The following DOCK8 variants were observed in gnomAD, a reference collection of about 807,000 sequenced individuals.
The protein encoded by DOCK8 is dedicator of cytokinesis 8, also known as dedicator of cytokinesis protein 8.
DOCK8 carries 141 observed loss-of-function variants against 245.6 expected under a neutral mutation model. The observed-to-expected ratio is 0.57, with a 90% confidence interval of 0.50 to 0.66. The LOEUF (loss-of-function observed/expected upper bound fraction) is 0.66, where lower values mean the gene tolerates loss of function less well. DOCK8 is among the 30% of genes least tolerant of loss of function. The pLI is 0.00. For synonymous variants in DOCK8, 1,168 were observed against 970.2 expected (o/e 1.20, Z -3.79); for missense variants, 2,965 against 2,603.4 (o/e 1.14, Z -3.02).
At chr9:428,165 G>T (rs1289191715) in intron 34 of DOCK8, among the ~76,000 whole-genome samples, 197 bp from the exon 35 acceptor site, 1 of 152,202 alleles carries the variant, frequency 6.6e-6, no homozygotes, top group African/African-American at 2.4e-5. Flanking sequence ...CAAACTCATT[G>T]GAAGCATTGA....
intron 36 of DOCK8, 119 bp downstream of exon 36, chr9:429,973 G>C: frequency 7.9e-7 from 1 of 1,258,928 alleles, no homozygotes; most frequent in South Asian, 1.3e-5. Flanking sequence ...TGTCCTGTGA[G>C]AAAGAAACAA....
chr9:440,728 C>T (rs558008452), intron 40 of DOCK8, among the ~76,000 whole-genome samples: 3 of 151,966 alleles, frequency 2.0e-5, no homozygotes, highest in South Asian at 2.1e-4. Flanking sequence ...TTTTTCTTTT[C>T]GTTTTGTTTT....
chr9:443,459 T>C lies in DOCK8; in HGVS notation c.5523T>C (p.Phe1841=). The C allele has an allele frequency of 1.2e-6, 2 of 1,614,130 alleles. No individual in the cohort carries two copies. The highest frequency in any genetic ancestry group is 2.2e-5 in the South Asian group (2 of 91,080). ...AFYGQCFGAE[F]VEVIKDSTPV... is the part of the protein sequence containing the mutation. ...ATGGTCAATGTTTTGGTGCAGAATT[T>C]GTGGAAGTGATTAAAGACTCCACTC... Residue 1841 remains phenylalanine, a synonymous_variant, in exon 43 of 48, where the codon TTT becomes TTC. Transcript: ENST00000432829.
chr9:366,998 C>A (rs926484558), intron 14 of DOCK8, among the ~76,000 whole-genome samples: 4 of 152,118 alleles, frequency 2.6e-5, no homozygotes, highest in Non-Finnish European at 5.9e-5. Flanking sequence ...GGTTGAATTC[C>A]CCGCTCTGCC....
At chr9:323,163 A>G (rs2050597065) in intron 7 of DOCK8, among the ~76,000 whole-genome samples, 1 of 151,454 alleles carries the variant, frequency 6.6e-6, no homozygotes. Flanking sequence ...AATCATAGAA[A>G]TCCTCAACAC....
intron 46 of DOCK8, 130 bp downstream of exon 46, chr9:452,247 G>A: frequency 4.6e-6 from 3 of 657,012 alleles, no homozygotes; most frequent in Non-Finnish European, 5.5e-6. Flanking sequence ...CAGACCTGCT[G>A]AATTGGAATC....
At chr9:243,829 C>T (rs1204111500) in intron 1 of DOCK8, among the ~76,000 whole-genome samples, 2 of 152,092 alleles carry the variant, frequency 1.3e-5, no homozygotes, top group Non-Finnish European at 2.9e-5. Flanking sequence ...ACAACTCCAT[C>T]ATCGGCATCC....
intron 14 of DOCK8, among the ~76,000 whole-genome samples, chr9:365,335 G>A (rs939399722): frequency 1.3e-5 from 2 of 152,148 alleles, no homozygotes; most frequent in Non-Finnish European, 2.9e-5. Flanking sequence ...TGACTTGTTA[G>A]CCATGTGGAG....
rs1450437941 is a variant in DOCK8 at position 463,456 on chromosome 9, T to TC, written c.6069-60dup. On this transcript the variant is annotated intron_variant, in intron 46 of 47. Transcript: ENST00000432829. ...GAAAAATCGTAAGTAATTTCATTGTTCTCAGATTTCTAAGCACTTCAAAGT... is the reference window on the plus strand; with the variant it reads ...GAAAAATCGTAAGTAATTTCATTGTTCCTCAGATTTCTAAGCACTTCAAAGT... 4 of 1,589,214 alleles carry TC rather than the reference T, an allele frequency of 2.5e-6. No homozygotes were observed. In the East Asian group the frequency reaches 8.9e-5, roughly 35 times the overall value.
At chr9:459,150 G>A (rs912703742) in intron 46 of DOCK8, among the ~76,000 whole-genome samples, 1 of 152,212 alleles carries the variant, frequency 6.6e-6, no homozygotes, top group African/African-American at 2.4e-5. Context: ...GACCTATTGA[G>A]AATGTTACAG....
rs751022932 is a variant in DOCK8, at chr9:400,947, T to TCAC, written c.3234+1705_3234+1707dup. On this transcript the variant is annotated intron_variant, in intron 26 of 47. Coordinates refer to ENST00000432829, the MANE Select transcript of DOCK8 (RefSeq NM_203447.4). ...ATCACCACAACATCCACCACCACCATCACCACCACCACCACCACCTCCTCC... is the reference window on the plus strand; with the variant it reads ...ATCACCACAACATCCACCACCACCATCACCACCACCACCACCACCACCTCCTCC... 5.6e-4 allele frequency among the ~76,000 whole-genome samples: 16 copies of TCAC among 28,546 alleles called. 1 individual carries two copies. Among genetic ancestry groups the TCAC allele is most frequent in the Non-Finnish European group, 7.3e-4 (14 of 19,154 alleles). 18.7% of individuals were successfully genotyped at this position (28,546 alleles called of 152,430 possible). A position where few individuals can be genotyped will look rare whatever the true frequency, so the allele number is the denominator to read the frequency against.
At chr9:425,498 C>G (rs958762624) in intron 33 of DOCK8, among the ~76,000 whole-genome samples, 29 of 135,858 alleles carry the variant, frequency 2.1e-4, no homozygotes, top group South Asian at 1.5e-3. Context: ...CGCCACTGCA[C>G]TCTGCACTCC....
intron 43 of DOCK8, among the ~76,000 whole-genome samples, chr9:444,345 A>AATAATAATAATAATC (rs1362037205): frequency 6.7e-6 from 1 of 149,036 alleles, no homozygotes. Context: ...AAATAATAAT[A>AATAATAATAATAATC]ATAATAATAA....
chr9:365,502 C>T (rs1006789463), intron 14 of DOCK8: 18 of 431,234 alleles, frequency 4.2e-5, no homozygotes, highest in African/African-American at 3.5e-4. Context: ...AAGCATATAT[C>T]ATGCTTCTAT....
intron 1 of DOCK8, among the ~76,000 whole-genome samples, chr9:230,813 A>T (rs1333471367): frequency 6.6e-6 from 1 of 152,062 alleles, no homozygotes; most frequent in African/African-American, 2.4e-5. Context: ...CCTTTGTCAG[A>T]TGAGTAGGTT....
chr9:297,511 G>T (rs950801323), intron 4 of DOCK8, among the ~76,000 whole-genome samples: 20 of 152,158 alleles, frequency 1.3e-4, no homozygotes, highest in Admixed American at 2.6e-4. Flanking sequence ...TCTAGCCATT[G>T]GCCTACTTCC....
intron 25 of DOCK8, among the ~76,000 whole-genome samples, chr9:398,930 A>G (rs1308672872): frequency 6.6e-6 from 1 of 152,242 alleles, no homozygotes; most frequent in African/African-American, 2.4e-5. Flanking sequence ...CTGGAAGGAA[A>G]TGCACCTAAA....
intron 23 of DOCK8, among the ~76,000 whole-genome samples, chr9:388,202 T>C (rs10758460): frequency 0.35 from 53,280 of 151,858 alleles, 10,960 homozygotes; most frequent in African/African-American, 0.58. Context: ...CCAGTTATAA[T>C]ATGTGCACAG....
chr9:223,354 G>C (rs2046925260), intron 1 of DOCK8, among the ~76,000 whole-genome samples: 1 of 152,182 alleles, frequency 6.6e-6, no homozygotes, highest in Admixed American at 6.5e-5. Context: ...TGTGTTCTAA[G>C]TGCTGTGCTA....
Sources: allele counts gnomAD v4.1 joint callset (sites outside exome capture counted in the v4.1 genomes callset), GRCh38; gene constraint gnomAD v4.1.1; transcripts MANE v1.5; gene names NCBI Gene and HGNC (gene_info 2026-07-23, HGNC 2026-07-21).